The following PDE4D variants were observed in gnomAD, a reference collection of about 807,000 sequenced individuals.
PDE4D encodes the protein phosphodiesterase 4D, also known as 3',5'-cyclic-AMP phosphodiesterase 4D.
In PDE4D, 24 loss-of-function variants were observed where a neutral mutation model predicts 87.4. That is an observed-to-expected ratio of 0.27 (90% CI 0.20 to 0.39). The LOEUF is 0.39. Ranked by LOEUF, PDE4D falls within the 10% of genes least tolerant of loss-of-function variation. The pLI is 1.00. For synonymous variants in PDE4D, 384 were observed against 383.2 expected, an observed-to-expected ratio of 1.00 and a Z score of -0.02; for missense variants, 714 against 1,041.0, an observed-to-expected ratio of 0.69 and a Z score of 4.32.
chr5:59,145,465 C>T (rs1190838030), intron 5 of PDE4D, among the ~76,000 whole-genome samples: 1 of 152,128 alleles, frequency 6.6e-6, no homozygotes. Flanking sequence ...AGCTCGGTTA[C>T]TAAAAATGTA....
At chr5:59,552,926 A>T (rs899837281) in intron 1 of PDE4D, among the ~76,000 whole-genome samples, 1 of 152,200 alleles carries the variant, frequency 6.6e-6, no homozygotes, top group Non-Finnish European at 1.5e-5. Flanking sequence ...GAATGAATTG[A>T]AAAGTTGATT....
intron 1 of PDE4D, among the ~76,000 whole-genome samples, chr5:59,319,614 G>A (rs999530886): frequency 1.3e-5 from 2 of 152,088 alleles, no homozygotes; most frequent in Non-Finnish European, 2.9e-5. Flanking sequence ...TTTTGTGTGA[G>A]TGAAATAACA....
intron 1 of PDE4D, among the ~76,000 whole-genome samples, chr5:59,654,711 C>T: frequency 6.6e-6 from 1 of 152,020 alleles, no homozygotes; most frequent in Non-Finnish European, 1.5e-5. Context: ...ACCCCCCAAA[C>T]CCTTTGACCC....
At chr5:59,289,781 GAA>G (rs1174033044) in intron 1 of PDE4D, among the ~76,000 whole-genome samples, 1 of 151,942 alleles carries the variant, frequency 6.6e-6, no homozygotes, top group Non-Finnish European at 1.5e-5. Flanking sequence ...GGAAAAACCT[GAA>G]GATTCCACCA....
intron 1 of PDE4D, among the ~76,000 whole-genome samples, chr5:59,231,102 T>C (rs1461355137): frequency 6.6e-6 from 1 of 152,202 alleles, no homozygotes; most frequent in Admixed American, 6.5e-5. Context: ...AATTATCTTT[T>C]AAAAGTTTTA....
intron 1 of PDE4D, among the ~76,000 whole-genome samples, chr5:59,629,458 G>C (rs1426865001): frequency 6.6e-6 from 1 of 151,802 alleles, no homozygotes; most frequent in African/African-American, 2.4e-5. Context: ...AGACATGAAG[G>C]GAAATGTGGA....
intron 1 of PDE4D, among the ~76,000 whole-genome samples, chr5:59,860,841 C>CT (rs964396366): frequency 1.0e-4 from 15 of 147,078 alleles, no homozygotes; most frequent in Admixed American, 1.4e-4. Context: ...GTTGTTCGAA[C>CT]TTTTTTTTTT....
At chr5:60,498,428 C>G (rs1044737466) in intron 1 of PDE4D, among the ~76,000 whole-genome samples, 1 of 152,178 alleles carries the variant, frequency 6.6e-6, no homozygotes, top group African/African-American at 2.4e-5. Flanking sequence ...AACATTGACT[C>G]TCTCTCCCAA....
intron 1 of PDE4D, among the ~76,000 whole-genome samples, chr5:59,380,571 C>T (rs1428425309): frequency 4.6e-5 from 7 of 152,134 alleles, no homozygotes; most frequent in African/African-American, 9.7e-5. Flanking sequence ...GAGGTCACAT[C>T]GCTCTACTTC....
chr5:60,146,498 T>A (rs1469293330), intron 2 of PDE4D, among the ~76,000 whole-genome samples: 1 of 152,188 alleles, frequency 6.6e-6, no homozygotes, highest in Non-Finnish European at 1.5e-5. Context: ...AATGTCCTCA[T>A]TGACCCTTTT....
intron 3 of PDE4D, among the ~76,000 whole-genome samples, chr5:59,985,489 G>C (rs1487503450): frequency 6.6e-6 from 1 of 151,980 alleles, no homozygotes; most frequent in African/African-American, 2.4e-5. Flanking sequence ...ATTCCAGAAA[G>C]TTATACTCCT....
intron 3 of PDE4D, among the ~76,000 whole-genome samples, chr5:59,927,382 T>C (rs542436373): frequency 6.6e-6 from 1 of 152,346 alleles, no homozygotes; most frequent in Admixed American, 6.5e-5. Context: ...AATAACATCC[T>C]GCATTCTTGT....
intron 2 of PDE4D, among the ~76,000 whole-genome samples, chr5:60,031,380 C>T (rs1215886795): frequency 6.6e-6 from 1 of 152,148 alleles, no homozygotes; most frequent in Non-Finnish European, 1.5e-5. Context: ...CATCAGTTCC[C>T]AGAACATCCT....
chr5:60,167,148 G>A (rs1432753895), intron 2 of PDE4D, among the ~76,000 whole-genome samples: 1 of 148,676 alleles, frequency 6.7e-6, no homozygotes. Context: ...CTACTCCTTT[G>A]TTTTTTTCTT....
intron 1 of PDE4D, among the ~76,000 whole-genome samples, chr5:59,790,059 AC>A (rs944370424): frequency 4.6e-5 from 7 of 152,138 alleles, no homozygotes; most frequent in Non-Finnish European, 5.9e-5. Context: ...TTTATGCCAA[AC>A]CTGTGACAGA....
intron 1 of PDE4D, among the ~76,000 whole-genome samples, chr5:60,506,463 C>CA (rs1448255476): frequency 2.6e-5 from 4 of 151,906 alleles, no homozygotes; most frequent in African/African-American, 9.7e-5. Flanking sequence ...CTCTACCTTA[C>CA]AAAATTAAAA....
chr5:59,244,655 G>T (rs2591826), intron 1 of PDE4D, among the ~76,000 whole-genome samples: 109,691 of 143,816 alleles, frequency 0.76, 41,855 homozygotes, highest in African/African-American at 0.81. Flanking sequence ...TATATGTATA[G>T]ATATATGTAT....
chr5:59,300,381 G>T (rs907174163), intron 1 of PDE4D, among the ~76,000 whole-genome samples: 17 of 152,090 alleles, frequency 1.1e-4, no homozygotes, highest in Non-Finnish European at 1.9e-4. Context: ...ATACATGTGT[G>T]TGTGTACCTG....
intron 2 of PDE4D, among the ~76,000 whole-genome samples, chr5:60,045,180 T>A (rs1379416969): frequency 6.6e-6 from 1 of 151,796 alleles, no homozygotes; most frequent in Non-Finnish European, 1.5e-5. Context: ...GAAGTGTCTG[T>A]TCATGTCCAC....
Sources: gnomAD v4.1 joint callset for allele counts (sites outside exome capture counted in the v4.1 genomes callset) on GRCh38, gnomAD v4.1.1 for gene constraint, MANE v1.5 for transcripts, NCBI Gene and HGNC (gene_info 2026-07-23, HGNC 2026-07-21) for gene names.